ZFYVE21: variants seen among roughly 807,000 people sequenced by gnomAD.
ZFYVE21 encodes the protein zinc finger FYVE-type containing 21, also known as zinc finger FYVE domain-containing protein 21.
ZFYVE21 carries 21 observed loss-of-function variants against 29.5 expected under a neutral mutation model. The ratio of observed to expected loss-of-function variants is 0.71; its 90% confidence interval spans 0.50 to 1.02. The LOEUF is 1.02. Ranked by LOEUF, ZFYVE21 falls within the 50% of genes least tolerant of loss-of-function variation. The pLI is 0.00. For missense variants in ZFYVE21, 326 were observed against 335.4 expected, an observed-to-expected ratio of 0.97 and a Z score of 0.22; for synonymous variants, 151 against 133.8, an observed-to-expected ratio of 1.13 and a Z score of -0.89.
At chr14:103,729,363 G>A (rs957783650) in intron 5 of ZFYVE21, 181 bp downstream of exon 5, 3 of 621,976 alleles carry the variant, frequency 4.8e-6, no homozygotes, top group Admixed American at 3.0e-5. Context: ...TTTAGAACTC[G>A]CCAGGTGAGT....
In ZFYVE21 at chr14:103,729,110, G is replaced by A. The variant is rs772247023; in HGVS notation, c.454G>A (p.Asp152Asn). The stretch of plus-strand genomic sequence containing the variant: ...ATGTAGATACTTGTTTCTGGATGGA[G>A]ACAGCCACTATGAAATCGAAATTGT... The part of the protein sequence containing the change: ...NNQRYLFLDG[D>N]SHYEIEIVHI... Residue 152 changes from aspartate (D) to asparagine (N), a missense_variant, in exon 5 of 7, where the codon GAC (aspartate) becomes AAC (asparagine). Physicochemically the swap from Asp to Asn is conservative, Grantham distance 23 (BLOSUM62 1). Transcript: ENST00000311141. 6.2e-7 allele frequency: 1 copy of A among 1,613,944 alleles called. No individual in the cohort carries two copies.
At chr14:103,719,090 C>T (rs929900506) in intron 1 of ZFYVE21, among the ~76,000 whole-genome samples, 3 of 151,982 alleles carry the variant, frequency 2.0e-5, no homozygotes, top group Admixed American at 2.0e-4. Flanking sequence ...AGGGTCAGGA[C>T]CTCCAGCAGA....
At chr14:103,717,006 T>C (rs2083827750) in intron 1 of ZFYVE21, among the ~76,000 whole-genome samples, 1 of 152,192 alleles carries the variant, frequency 6.6e-6, no homozygotes, top group African/African-American at 2.4e-5. Context: ...TAAGCAGACG[T>C]TGGAACTAGG....
rs562490851 is a variant in ZFYVE21 at position 103,723,870 on chromosome 14, G to A, written c.139-2922G>A. 1.9e-3 allele frequency among the ~76,000 whole-genome samples: 290 copies of A among 152,334 alleles called. 2 individuals are homozygous for A. The highest frequency in any genetic ancestry group is 3.2e-3 in the Non-Finnish European group (221 of 68,026). Reference sequence around the variant, plus strand: ...TTCCTGTGCTGCCTGTGTGGGTCCCGCAGGCTGGAGGGAGGCCCCTGCCTT... The same window carrying A: ...TTCCTGTGCTGCCTGTGTGGGTCCCACAGGCTGGAGGGAGGCCCCTGCCTT... On this transcript the variant is annotated intron_variant, in intron 1 of 6. Transcript: ENST00000311141.
chr14:103,728,010 C>T (rs933558587), intron 3 of ZFYVE21, 96 bp downstream of exon 3: 5 of 1,300,896 alleles, frequency 3.8e-6, no homozygotes, highest in Non-Finnish European at 5.2e-6. Flanking sequence ...CGTTCTGCTT[C>T]TCTGACGTTC....
chr14:103,727,529 T>C (rs1379010454), intron 2 of ZFYVE21: 1 of 702,372 alleles, frequency 1.4e-6, no homozygotes, highest in South Asian at 1.5e-5. Context: ...TTTTGATCCA[T>C]GATTTTGAAA....
In ZFYVE21 at chr14:103,729,716, A is replaced by C. The variant is rs554355138; in HGVS notation, c.526+534A>C. ...CTGACAGATGCGTGTGCCGTAACCC[A>C]TGTTGCTTTCCTTCCGTTCTCTCAC... On this transcript the variant is annotated intron_variant, in intron 5 of 6. Transcript: ENST00000311141. 2.5e-5 allele frequency: 38 copies of C among 1,500,676 alleles called. No homozygotes were observed. The African/African-American group carries it at 4.1e-4, about 16-fold the overall frequency. 93.0% of individuals were successfully genotyped at this position (1,500,676 alleles called of 1,614,324 possible).
chr14:103,727,350 G>GCCCCCCC, intron 2 of ZFYVE21: 2 of 382,664 alleles, frequency 5.2e-6, no homozygotes, highest in Non-Finnish European at 1.0e-5. Flanking sequence ...CGAGGCCTGT[G>GCCCCCCC]CACCCACCTG....
Position 103,733,160 on chromosome 14 carries a change from G to C in ZFYVE21, c.*142G>C. The C allele has an allele frequency of 1.0e-6, 1 of 1,002,700 alleles. No individual in the cohort carries two copies. Among genetic ancestry groups the C allele is most frequent in the East Asian group, 2.5e-5 (1 of 39,724 alleles). 62.1% of individuals were successfully genotyped at this position (1,002,700 alleles called of 1,614,324 possible). On this transcript the variant is annotated 3_prime_UTR_variant, in exon 7 of 7. Coordinates refer to ENST00000311141, the MANE Select transcript of ZFYVE21 (RefSeq NM_024071.4). ...ACTCACTCATGTATTTGGAGAAACA[G>C]GAGTGTTCACTTATCTAGTGCAATA...
chr14:103,731,754 G>C (rs985949899), intron 5 of ZFYVE21: 2 of 152,298 alleles, frequency 1.3e-5, no homozygotes, highest in African/African-American at 4.8e-5. Context: ...GAGTGCTGAT[G>C]GGGGGATGTG....
rs968510369 is a variant in ZFYVE21 at position 103,733,033 on chromosome 14, G to A, written c.*15G>A. ...GGGACCAGTAACTCTACGTGGGGCT[G>A]AGCTTGGAGTACGTGTGGTCACCAG... On this transcript the variant is annotated 3_prime_UTR_variant, in exon 7 of 7. Coordinates refer to ENST00000311141, the MANE Select transcript of ZFYVE21 (RefSeq NM_024071.4). The A allele has an allele frequency of 5.0e-6, 8 of 1,614,010 alleles. No homozygotes were observed. In the African/African-American group the frequency reaches 1.1e-4, roughly 22 times the overall value.
At chr14:103,721,356 T>A (rs2083870798) in intron 1 of ZFYVE21, among the ~76,000 whole-genome samples, 1 of 152,254 alleles carries the variant, frequency 6.6e-6, no homozygotes, top group African/African-American at 2.4e-5. Flanking sequence ...GCACCTGCCC[T>A]GATCCTCGCT....
intron 2 of ZFYVE21, chr14:103,727,217 A>T: frequency 2.8e-6 from 1 of 351,616 alleles, no homozygotes. Flanking sequence ...AAGTGCTGGG[A>T]TTACAAGTGT....
Position 103,732,986 on chromosome 14 carries a change from G to A in ZFYVE21, c.673G>A (p.Ala225Thr), listed in dbSNP as rs372302831. 74 of 1,613,988 alleles carry A rather than the reference G, an allele frequency of 4.6e-5. No individual in the cohort carries two copies. The highest frequency in any genetic ancestry group is 6.3e-5 in the Non-Finnish European group (74 of 1,180,038). The part of the protein sequence containing the change: ...VAWLVAMHKA[A>T]KLLYESRDQ ...GTTGATCTTGTCTGATCTGCAGGCT[G>A]CCAAGCTCCTCTATGAATCTCGGGA... Residue 225 changes from alanine to threonine, a missense_variant, in exon 7 of 7, where the codon GCC becomes ACC. Transcript: ENST00000311141.
At chr14:103,730,082 A>C in intron 5 of ZFYVE21, 1 of 548,506 alleles carries the variant, frequency 1.8e-6, no homozygotes, top group Non-Finnish European at 3.2e-6. Context: ...AGGGTTACCC[A>C]GCAATTGACA....
At chr14:103,720,719 G>C (rs943571856) in intron 1 of ZFYVE21, among the ~76,000 whole-genome samples, 1 of 152,192 alleles carries the variant, frequency 6.6e-6, no homozygotes, top group Admixed American at 6.5e-5. Flanking sequence ...TCGAGGGGCC[G>C]TTCCTGTTGC....
At chr14:103,729,504 C>G in intron 5 of ZFYVE21, 1 of 575,046 alleles carries the variant, frequency 1.7e-6, no homozygotes, top group Non-Finnish European at 3.1e-6. Context: ...GCCCCAAATG[C>G]AATAACTGAG....
rs138641876 is a variant in ZFYVE21, at chr14:103,719,397, A to G, written c.138+3418A>G. ...CTTGAACCGGGAAGAGGAGGTTGCA[A>G]TGAGCCAAGATTGTGCCACTGCACT... is the stretch of plus-strand genomic sequence containing the variant. On this transcript the variant is annotated intron_variant, in intron 1 of 6. Coordinates refer to ENST00000311141, the MANE Select transcript of ZFYVE21 (RefSeq NM_024071.4). Among the ~76,000 whole-genome samples the G allele has an allele frequency of 6.4e-3, 973 of 151,520 alleles. 12 individuals carry two copies. Among genetic ancestry groups the G allele is most frequent in the African/African-American group, 0.022 (928 of 41,320 alleles).
Position 103,715,939 on chromosome 14 carries a change from C to A in ZFYVE21, c.98C>A (p.Pro33Gln). 1 of 1,427,150 alleles carries A rather than the reference C, an allele frequency of 7.0e-7. No individual in the cohort carries two copies. The highest frequency in any genetic ancestry group is 9.3e-7 in the Non-Finnish European group (1 of 1,080,744). 88.4% of individuals were successfully genotyped at this position (1,427,150 alleles called of 1,614,324 possible). ...MVPEHRAFGS[P>Q]FGLEEPQWVP... The stretch of plus-strand genomic sequence containing the variant: ...CCCGAACACCGCGCCTTCGGAAGCC[C>A]GTTCGGCCTGGAGGAGCCGCAGTGG... Residue 33 changes from proline to glutamine, a missense_variant, in exon 1 of 7, where the codon CCG becomes CAG. Coordinates refer to ENST00000311141, the MANE Select transcript of ZFYVE21 (RefSeq NM_024071.4).
Sources: gnomAD v4.1 joint callset for allele counts (sites outside exome capture counted in the v4.1 genomes callset) on GRCh38, gnomAD v4.1.1 for gene constraint, MANE v1.5 for transcripts, NCBI Gene and HGNC (gene_info 2026-07-23, HGNC 2026-07-21) for gene names.